Variants in MLKL observed in about 807,000 individuals in gnomAD.
MLKL encodes mixed lineage kinase domain like pseudokinase, also known as mixed lineage kinase domain-like protein.
Under a neutral mutation model 56.5 loss-of-function variants are expected in MLKL, and 55 were observed. The ratio of observed to expected loss-of-function variants is 0.97; its 90% CI spans 0.78 to 1.22. MLKL has a LOEUF of 1.22. Ranked by LOEUF, MLKL falls within the 50% of genes most tolerant of loss-of-function variation. The pLI, the probability that MLKL is intolerant of heterozygous loss-of-function variation, is 0.00. For synonymous variants in MLKL, 251 were observed against 208.3 expected (o/e 1.20, Z -1.76); for missense variants, 694 against 573.9 (o/e 1.21, Z -2.14).
At chr16:74,690,235 T>C (rs1020559983) in intron 4 of MLKL, among the ~76,000 whole-genome samples, 5 of 152,202 alleles carry the variant, frequency 3.3e-5, no homozygotes, top group African/African-American at 1.2e-4. Flanking sequence ...ACTTTATAAC[T>C]ATAAAGATGA....
chr16:74,683,236 G>A lies in MLKL; in HGVS notation c.821-450C>T, dbSNP rs183873851. Among the ~76,000 whole-genome samples, 30 of 150,952 alleles carry A rather than the reference G, an allele frequency of 2.0e-4. No homozygotes were observed. In the East Asian group the frequency reaches 2.7e-3, roughly 14 times the overall value. On this transcript the variant is annotated intron_variant, in intron 5 of 10. Transcript: ENST00000308807. ...AGGCAGGAGAATCACTTGAAGCTGC[G>A]TGGCAGAGATTGCACCACTGCACTC...
At chr16:74,676,042 T>A in intron 7 of MLKL, 1 of 397,016 alleles carries the variant, frequency 2.5e-6, no homozygotes, top group Non-Finnish European at 4.4e-6. Flanking sequence ...AAAGCACCAG[T>A]AAGACCTGCT....
chr16:74,695,670 G>T lies in MLKL; in HGVS notation c.88C>A (p.Arg30Ser), dbSNP rs891179950. 4.3e-6 allele frequency: 7 copies of T among 1,613,980 alleles called. No individual in the cohort carries two copies. In the African/African-American group the frequency reaches 9.3e-5, roughly 22 times the overall value. The change falls in exon 2 of 11, where the codon CGC (arginine) becomes AGC (serine). Residue 30 changes from arginine to serine, a missense_variant. Transcript: ENST00000308807. ...EMKYCKKQCR[R>S]LGHRVLGLIK... ...AGGCCGAGGACGCGGTGGCCCAGGC[G>T]CCGGCACTGTTTCTTGCAGTATTTC...
At chr16:74,673,199 C>T (rs1044722256) in intron 10 of MLKL, among the ~76,000 whole-genome samples, 12 of 152,102 alleles carry the variant, frequency 7.9e-5, no homozygotes, top group Non-Finnish European at 1.5e-4. Flanking sequence ...GGACTCATGG[C>T]TCTTTAGTTC....
Position 74,682,692 on chromosome 16 carries a change from C to T in MLKL, c.915G>A (p.Lys305=). The T allele has an allele frequency of 6.2e-7, 1 of 1,614,174 alleles. No homozygotes were observed. Among genetic ancestry groups the T allele is most frequent in the Non-Finnish European group, 8.5e-7 (1 of 1,180,024 alleles). ...LDREKDLTLG[K]RMVLVLGAAR... Reference sequence around the variant, plus strand: ...CTGCCCCCAGGACTAGGACCATGCGCTTGCCAAGTGTGAGGTCTTTTTCCC... The same window carrying T: ...CTGCCCCCAGGACTAGGACCATGCGTTTGCCAAGTGTGAGGTCTTTTTCCC... The change falls in exon 6 of 11, where the codon AAG becomes AAA. Residue 305 remains lysine (K), a synonymous_variant. Coordinates refer to ENST00000308807, the MANE Select transcript of MLKL (RefSeq NM_152649.4).
In MLKL at chr16:74,695,616, G is replaced by T; in HGVS notation, c.142C>A (p.Gln48Lys). The change falls in exon 2 of 11, where the codon CAA (glutamine) becomes AAA (lysine). Residue 48 changes from glutamine to lysine, a missense_variant. By Grantham distance (53) the Gln-to-Lys change is moderately conservative. Transcript: ENST00000308807. Reference sequence around the variant, plus strand: ...TCAGAGGGCACGCTCCTCTTTCCTTGGTCCTGGAGCATCTCCAGAGGCTTG... The same window carrying T: ...TCAGAGGGCACGCTCCTCTTTCCTTTGTCCTGGAGCATCTCCAGAGGCTTG... ...LIKPLEMLQD[Q>K]GKRSVPSEKL... 1.9e-6 allele frequency: 3 copies of T among 1,614,178 alleles called. No individual in the cohort carries two copies. Among genetic ancestry groups the T allele is most frequent in the Non-Finnish European group, 2.5e-6 (3 of 1,180,046 alleles).
chr16:74,672,460 C>G lies in MLKL; in HGVS notation c.*44G>C, dbSNP rs768159263. 6.3e-7 allele frequency: 1 copy of G among 1,588,550 alleles called. No homozygotes were observed. The highest frequency in any genetic ancestry group is 2.2e-5 in the East Asian group (1 of 44,748). On this transcript the variant is annotated 3_prime_UTR_variant, in exon 11 of 11. Transcript: ENST00000308807. ...AGAGAGATGTCCAGTTTGTGCCTCTCCCAGCTTCTTGTCCAGAGACTCCTT... is the reference window on the plus strand; with the variant it reads ...AGAGAGATGTCCAGTTTGTGCCTCTGCCAGCTTCTTGTCCAGAGACTCCTT...
chr16:74,691,176 G>A, intron 4 of MLKL, 101 bp downstream of exon 4: 1 of 1,138,216 alleles, frequency 8.8e-7, no homozygotes, highest in Non-Finnish European at 1.3e-6. Flanking sequence ...ACCCTTTAGG[G>A]CCCAGGCTTC....
At chr16:74,691,118 T>C (rs1960645814) in intron 4 of MLKL, among the ~76,000 whole-genome samples, 159 bp downstream of exon 4, 1 of 151,870 alleles carries the variant, frequency 6.6e-6, no homozygotes, top group South Asian at 2.1e-4. Context: ...TGGAAAGATG[T>C]ATTTAAGTCA....
At chr16:74,684,672 T>A (rs566781770) in intron 5 of MLKL, among the ~76,000 whole-genome samples, 1 of 151,206 alleles carries the variant, frequency 6.6e-6, no homozygotes, top group East Asian at 2.0e-4. Context: ...TTTTTTGTAT[T>A]TTTAGTAGAG....
chr16:74,680,124 G>C (rs753022447), intron 6 of MLKL, among the ~76,000 whole-genome samples: 3 of 152,152 alleles, frequency 2.0e-5, no homozygotes, highest in Non-Finnish European at 4.4e-5. Flanking sequence ...CTGTCTATAA[G>C]GGTGAAAGGG....
At chr16:74,681,460 A>G (rs943135679) in intron 6 of MLKL, among the ~76,000 whole-genome samples, 2 of 152,154 alleles carry the variant, frequency 1.3e-5, no homozygotes, top group Non-Finnish European at 2.9e-5. Flanking sequence ...CTAAGAATCC[A>G]TAGATTCTGC....
chr16:74,696,906 CA>C (rs1317412176), intron 1 of MLKL, among the ~76,000 whole-genome samples: 1 of 141,538 alleles, frequency 7.1e-6, no homozygotes. Flanking sequence ...TGCACCATCT[CA>C]AAAAAATGTA....
chr16:74,684,410 G>A (rs1960189416), intron 5 of MLKL, among the ~76,000 whole-genome samples: 1 of 126,914 alleles, frequency 7.9e-6, no homozygotes. Flanking sequence ...GAGAGAAAAT[G>A]CAGTCACATT....
intron 2 of MLKL, among the ~76,000 whole-genome samples, chr16:74,693,470 AAAAGAAAAAAG>A (rs1960810176): frequency 4.9e-5 from 1 of 20,524 alleles, no homozygotes. Flanking sequence ...AAAAAAAAAG[AAAAGAAAAAAG>A]AAAGAAAGAA....
chr16:74,684,362 C>CGTCT (rs950012759), intron 5 of MLKL, among the ~76,000 whole-genome samples: 33 of 138,776 alleles, frequency 2.4e-4, no homozygotes, highest in African/African-American at 8.4e-4. Flanking sequence ...CTAGGCAAGA[C>CGTCT]GGCAGCAAAA....
At chr16:74,697,682 A>C (rs1050675534) in intron 1 of MLKL, among the ~76,000 whole-genome samples, 1 of 151,940 alleles carries the variant, frequency 6.6e-6, no homozygotes, top group Non-Finnish European at 1.5e-5. Flanking sequence ...AAATACAAAA[A>C]TTAGCTGGGA....
intron 1 of MLKL, among the ~76,000 whole-genome samples, chr16:74,698,256 GT>G (rs1030871327): frequency 6.6e-6 from 1 of 151,496 alleles, no homozygotes; most frequent in African/African-American, 2.4e-5. Flanking sequence ...AAAAAACAAA[GT>G]TAGTTTTTTT....
rs768458194 is a variant in MLKL, at chr16:74,695,332, G to A, written c.426C>T (p.Asp142=). ...SWAQEDQQDA[D]EDRRAFQMLR... ...GCATCTGGAAAGCTCGCCTGTCTTC[G>A]TCTGCATCCTGCTGATCTTCCTGTG... Residue 142 remains aspartate, a synonymous_variant, in exon 2 of 11, where the codon GAC becomes GAT. Coordinates refer to ENST00000308807, the MANE Select transcript of MLKL (RefSeq NM_152649.4). 6.2e-7 allele frequency: 1 copy of A among 1,614,100 alleles called. No individual in the cohort carries two copies. The highest frequency in any genetic ancestry group is 2.2e-5 in the East Asian group (1 of 44,884).
Sources: allele counts gnomAD v4.1 joint callset (sites outside exome capture counted in the v4.1 genomes callset), GRCh38; gene constraint gnomAD v4.1.1; transcripts MANE v1.5; gene names NCBI Gene and HGNC (gene_info 2026-07-23, HGNC 2026-07-21).